Variants in KMT2D observed in about 807,000 individuals in gnomAD.
KMT2D encodes histone-lysine N-methyltransferase 2D.
Under a neutral mutation model 512.7 loss-of-function variants are expected in KMT2D, and 55 were observed. The observed-to-expected ratio is 0.11, with a 90% CI of 0.09 to 0.13. The LOEUF (loss-of-function observed/expected upper bound fraction) is 0.13. Ranked by LOEUF, KMT2D falls within the 10% of genes least tolerant of loss-of-function variation. The probability of loss-of-function intolerance (pLI) is 1.00; values close to 1 mark genes in which losing one functional copy is unlikely to be tolerated. For missense variants in KMT2D, 6,061 were observed against 7,127.9 expected, an observed-to-expected ratio of 0.85 and a Z score of 5.39; for synonymous variants, 2,995 against 2,904.0, an observed-to-expected ratio of 1.03 and a Z score of -1.01.
Position 49,044,377 on chromosome 12 carries a change from C to G in KMT2D, c.5083+26G>C. 1 of 1,613,914 alleles carries G rather than the reference C, an allele frequency of 6.2e-7. No homozygotes were observed. The highest frequency in any genetic ancestry group is 8.5e-7 in the Non-Finnish European group (1 of 1,179,826). On this transcript the variant is annotated intron_variant, in intron 21 of 54. Coordinates refer to ENST00000301067, the MANE Select transcript of KMT2D (RefSeq NM_003482.4). The surrounding 1 kb of genome is among the most constrained non-coding windows in gnomAD (Gnocchi z 6.4). ...GAGCTGCCCCGCACCACCCCACCAC[C>G]CCACAACCCCATCCCAGGACCTCAC...
At position 49,026,801 on chromosome 12, in the gene KMT2D, G is replaced by A. The variant is rs1335851914; in HGVS notation, c.15165C>T (p.Asp5055=). 1.9e-6 allele frequency: 3 copies of A among 1,612,780 alleles called. No homozygotes were observed. Among genetic ancestry groups the A allele is most frequent in the Admixed American group, 3.3e-5 (2 of 60,018 alleles). Residue 5055 remains aspartate, a synonymous_variant, in exon 49 of 55, where the codon GAC becomes GAT. Coordinates refer to ENST00000301067, the MANE Select transcript of KMT2D (RefSeq NM_003482.4). The surrounding 1 kb of genome is among the most constrained non-coding windows in gnomAD (Gnocchi z 9.6). ...GPARLLNLDL[D]LWVHLNCALW... The stretch of plus-strand genomic sequence containing the variant: ...GGGCACAGTTGAGGTGCACCCACAG[G>A]TCCAGGTCCAGGTTCAGCAGACGGG...
Position 49,034,895 on chromosome 12 carries a change from A to T in KMT2D, c.10272T>A (p.Ile3424=), listed in dbSNP as rs1159846158. Residue 3424 remains isoleucine, a synonymous_variant, in exon 36 of 55, where the codon ATT becomes ATA. Transcript: ENST00000301067. ...TCAAAGCCACCATCTTGGCCTTTGC[A>T]ATGGGATCAATGATATCTTCTGCAG... is the stretch of plus-strand genomic sequence containing the variant. ...KFAAEDIIDP[I]AKAKMVALKG... is the part of the protein sequence containing the mutation. 6.2e-7 allele frequency: 1 copy of T among 1,613,996 alleles called. No individual in the cohort carries two copies. Among genetic ancestry groups the T allele is most frequent in the Non-Finnish European group, 8.5e-7 (1 of 1,179,906 alleles).
rs757437381 is a variant in KMT2D at position 49,031,460 on chromosome 12, G to A, written c.13245C>T (p.Ile4415=). ...QVVPEASQLS[I]KQEPREEPCA... ...ATGGCTCTTCCCGAGGTTCCTGCTTGATGCTGAGTTGGGATGCCTCAGGCA... is the reference window on the plus strand; with the variant it reads ...ATGGCTCTTCCCGAGGTTCCTGCTTAATGCTGAGTTGGGATGCCTCAGGCA... Residue 4415 remains isoleucine, a synonymous_variant, in exon 40 of 55, where the codon ATC becomes ATT. Coordinates refer to ENST00000301067, the MANE Select transcript of KMT2D (RefSeq NM_003482.4). 6.2e-7 allele frequency: 1 copy of A among 1,613,776 alleles called. No homozygotes were observed. The highest frequency in any genetic ancestry group is 1.1e-5 in the South Asian group (1 of 91,058).
At position 49,041,107 on chromosome 12, in the gene KMT2D, G is replaced by C. The variant is rs778603250; in HGVS notation, c.6663C>G (p.Gly2221=). ...MLGASSRPGA[G]QPGEFHTTPP... ...GGGTAGTGTGGAATTCCCCTGGCTG[G>C]CCAGCCCCAGGACGAGATGAGGCGC... is the stretch of plus-strand genomic sequence containing the variant. Residue 2221 remains glycine (G), a synonymous_variant, in exon 32 of 55, where the codon GGC becomes GGG. Coordinates refer to ENST00000301067, the MANE Select transcript of KMT2D (RefSeq NM_003482.4). This position sits in a 1 kb window ranked among gnomAD's most constrained non-coding sequence, Gnocchi z 5.4. The C allele has an allele frequency of 3.3e-6, 5 of 1,531,186 alleles. No homozygotes were observed. In the Admixed American group the frequency reaches 8.7e-5, roughly 27 times the overall value. The allele number at this position is 1,531,186 out of a possible 1,614,324, so 94.8% of individuals were successfully genotyped here.
At position 49,039,695 on chromosome 12, in the gene KMT2D, G is replaced by A. The variant is rs918474231; in HGVS notation, c.8046+29C>T. The A allele has an allele frequency of 1.9e-6, 3 of 1,607,612 alleles. No homozygotes were observed. Among genetic ancestry groups the A allele is most frequent in the Non-Finnish European group, 2.5e-6 (3 of 1,177,864 alleles). On this transcript the variant is annotated intron_variant, in intron 32 of 54. Coordinates refer to ENST00000301067, the MANE Select transcript of KMT2D (RefSeq NM_003482.4). The surrounding 1 kb of genome is among the most constrained non-coding windows in gnomAD (Gnocchi z 5.0). The stretch of plus-strand genomic sequence containing the variant: ...CTGCCCCAGAGACAGGAGCGATATA[G>A]GGGGCTTAGCTCCAGGGTGTCAACT...
Position 49,043,447 on chromosome 12 carries a change from C to G in KMT2D, c.5468-19G>C, listed in dbSNP as rs752996922. 29 of 1,613,566 alleles carry G rather than the reference C, an allele frequency of 1.8e-5. No individual in the cohort carries two copies. The East Asian group carries it at 5.8e-4, about 32-fold the overall frequency. On this transcript the variant is annotated intron_variant, in intron 24 of 54. Coordinates refer to ENST00000301067, the MANE Select transcript of KMT2D (RefSeq NM_003482.4). ...TCATCTCCTATGAGCAAGAGTCCCC[C>G]CTCCAATCAGAGATGTCCTACATCT...
rs201219613 is a variant in KMT2D at position 49,051,469 on chromosome 12, G to C, written c.2214C>G (p.Ser738=). ...GCCGGGGTGACAGGTGCGGCCCCTC[G>C]GACCGGGGGCAGAGTTGCGGCTCCT... ...LPEEPQLCPR[S]EGPHLSPRPE... Residue 738 remains serine (S), a synonymous_variant, in exon 11 of 55, where the codon TCC becomes TCG. Coordinates refer to ENST00000301067, the MANE Select transcript of KMT2D (RefSeq NM_003482.4). 3.7e-6 allele frequency: 6 copies of C among 1,612,728 alleles called. No homozygotes were observed. The highest frequency in any genetic ancestry group is 2.2e-5 in the East Asian group (1 of 44,828).
Position 49,031,082 on chromosome 12 carries a change from C to T in KMT2D, c.13531-49G>A, listed in dbSNP as rs77980064. 15,128 of 1,611,614 alleles carry T rather than the reference C, an allele frequency of 9.4e-3. 1,005 individuals carry two copies. In the African/African-American group the frequency reaches 0.16, roughly 17 times the overall value. On this transcript the variant is annotated intron_variant, in intron 40 of 54. Transcript: ENST00000301067. The stretch of plus-strand genomic sequence containing the variant: ...GGCTGCTACCCTCCTCCTCAGAGCC[C>T]TCATCTCTTCTGTCTGACCCAGGCT...
intron 13 of KMT2D, 76 bp downstream of exon 13, chr12:49,049,029 A>C: frequency 1.1e-6 from 1 of 927,060 alleles, no homozygotes; most frequent in Non-Finnish European, 1.7e-6. Flanking sequence ...GTAGGCAAGC[A>C]TGCAAGGGAC....
At chr12:49,028,741 C>T (rs1018397979) in intron 46 of KMT2D, 87 bp downstream of exon 46, 14 of 1,545,906 alleles carry the variant, frequency 9.1e-6, no homozygotes, top group Admixed American at 7.2e-5. Context: ...TGTGCTTGAA[C>T]GACTACATTT....
In KMT2D at chr12:49,039,005, G is replaced by A. The variant is rs1943359297; in HGVS notation, c.8367-16C>T. On this transcript the variant is annotated splice_polypyrimidine_tract_variant and intron_variant, in intron 34 of 54. Coordinates refer to ENST00000301067, the MANE Select transcript of KMT2D (RefSeq NM_003482.4). This position sits in a 1 kb window ranked among gnomAD's most constrained non-coding sequence, Gnocchi z 5.0. ...TACCAGTTGCCTGGAAGAATATACA[G>A]TAGTCAGTAGGATGAAATCAGATGA... 1 of 1,551,868 alleles carries A rather than the reference G, an allele frequency of 6.4e-7. No homozygotes were observed. The highest frequency in any genetic ancestry group is 1.2e-5 in the South Asian group (1 of 84,230).
At position 49,030,372 on chromosome 12, in the gene KMT2D, T is replaced by C; in HGVS notation, c.13907A>G (p.Gln4636Arg). 2 of 1,369,830 alleles carry C rather than the reference T, an allele frequency of 1.5e-6. No individual in the cohort carries two copies. The highest frequency in any genetic ancestry group is 2.0e-6 in the Non-Finnish European group (2 of 976,990). The allele number at this position is 1,369,830 out of a possible 1,614,324, so 84.9% of individuals were successfully genotyped here. ...TGGGGTGACGCCATTCACCATCTTC[T>C]GCTGCACCGATGGGGGTGGGGTGGG... ...LPPTPPPSVQQKMVNGVTPSE... is the reference protein window; with the variant it reads ...LPPTPPPSVQRKMVNGVTPSE... Residue 4636 changes from glutamine (Q) to arginine (R), a missense_variant, in exon 43 of 55, where the codon CAG becomes CGG. Transcript: ENST00000301067.
At chr12:49,048,106 A>T (rs1937664995) in intron 14 of KMT2D, 37 bp from the exon 15 acceptor site, 4 of 1,379,782 alleles carry the variant, frequency 2.9e-6, no homozygotes, top group Non-Finnish European at 4.1e-6. Flanking sequence ...GTCCAACTAG[A>T]TCTCCCCATC....
Position 49,044,482 on chromosome 12 carries a change from G to A in KMT2D, c.5004C>T (p.Gly1668=), listed in dbSNP as rs760039365. 3 of 1,613,942 alleles carry A rather than the reference G, an allele frequency of 1.9e-6. No individual in the cohort carries two copies. The highest frequency in any genetic ancestry group is 2.5e-6 in the Non-Finnish European group (3 of 1,179,868). The change falls in exon 21 of 55, where the codon GGC becomes GGT. Residue 1668 remains glycine (G), a synonymous_variant. Coordinates refer to ENST00000301067, the MANE Select transcript of KMT2D (RefSeq NM_003482.4). The surrounding 1 kb of genome is among the most constrained non-coding windows in gnomAD (Gnocchi z 6.4). ...CAGGCTCCACATCAGGGCTGACGGG[G>A]CCCTCCAGTTTAATTTCGCACTCCA... is the stretch of plus-strand genomic sequence containing the variant. ...EHMECEIKLE[G]PVSPDVEPGK...
chr12:49,051,083 G>A lies in KMT2D; in HGVS notation c.2600C>T (p.Pro867Leu). Residue 867 changes from proline to leucine, a missense_variant, in exon 11 of 55, where the codon CCC (proline) becomes CTC (leucine). By Grantham distance (98) the Pro-to-Leu change is moderately conservative. Coordinates refer to ENST00000301067, the MANE Select transcript of KMT2D (RefSeq NM_003482.4). ...KPPLSPRPEK[P>L]PEEPGQCPAP... is the part of the protein sequence containing the mutation. ...AGGGCATTGGCCTGGCTCCTCAGGGGGCTTTTCAGGCCGAGGGGACAGGGG... is the reference window on the plus strand; with the variant it reads ...AGGGCATTGGCCTGGCTCCTCAGGGAGCTTTTCAGGCCGAGGGGACAGGGG... The A allele has an allele frequency of 6.6e-7, 1 of 1,523,262 alleles. No individual in the cohort carries two copies. 94.4% of individuals were successfully genotyped at this position (1,523,262 alleles called of 1,614,324 possible).
chr12:49,051,934 A>G lies in KMT2D; in HGVS notation c.1749T>C (p.Pro583=), dbSNP rs774536143. 1.2e-6 allele frequency: 2 copies of G among 1,602,054 alleles called. No individual in the cohort carries two copies. Among genetic ancestry groups the G allele is most frequent in the Admixed American group, 3.4e-5 (2 of 59,136 alleles). ...SPPPEESPMS[P]PPEESPMSPP... The stretch of plus-strand genomic sequence containing the variant: ...GAGACATGGGTGACTCTTCAGGTGG[A>G]GGGGACATGGGTGACTCCTCAGGTG... The change falls in exon 11 of 55, where the codon CCT becomes CCC. Residue 583 remains proline (P), a synonymous_variant. Coordinates refer to ENST00000301067, the MANE Select transcript of KMT2D (RefSeq NM_003482.4).
chr12:49,043,445 C>T lies in KMT2D; in HGVS notation c.5468-17G>A. On this transcript the variant is annotated splice_polypyrimidine_tract_variant and intron_variant, in intron 24 of 54. Transcript: ENST00000301067. ...CATCATCTCCTATGAGCAAGAGTCCCCCCTCCAATCAGAGATGTCCTACAT... is the reference window on the plus strand; with the variant it reads ...CATCATCTCCTATGAGCAAGAGTCCTCCCTCCAATCAGAGATGTCCTACAT... The T allele has an allele frequency of 5.0e-6, 8 of 1,613,614 alleles. No individual in the cohort carries two copies. The highest frequency in any genetic ancestry group is 6.8e-6 in the Non-Finnish European group (8 of 1,179,624).
Position 49,038,809 on chromosome 12 carries a change from G to C in KMT2D, c.8547C>G (p.Ala2849=), listed in dbSNP as rs368381758. The C allele has an allele frequency of 6.4e-7, 1 of 1,571,710 alleles. No homozygotes were observed. Among genetic ancestry groups the C allele is most frequent in the Admixed American group, 1.9e-5 (1 of 53,084 alleles). Residue 2849 remains alanine (A), a synonymous_variant, in exon 35 of 55, where the codon GCC becomes GCG. Transcript: ENST00000301067. This position sits in a 1 kb window ranked among gnomAD's most constrained non-coding sequence, Gnocchi z 5.7. ...AAATTCCCGCCAACGGGGAACCTAG[G>C]GCTTGGCGGCCAAGTTCAGGTCCAG... is the stretch of plus-strand genomic sequence containing the variant. The part of the protein sequence containing the change: ...STPGPELGRQ[A]LGSPLAGIST...
chr12:49,048,734 C>T lies in KMT2D; in HGVS notation c.4056G>A (p.Glu1352=), dbSNP rs373063485. ...ADIDSSPSKE[E]EEEDDDTMQN... is the part of the protein sequence containing the mutation. ...GCATGGTGTCATCATCTTCTTCCTC[C>T]TCCTCCTTACTGGGAGAGCTATCAA... Residue 1352 remains glutamate (E), a synonymous_variant, in exon 14 of 55, where the codon GAG becomes GAA. Coordinates refer to ENST00000301067, the MANE Select transcript of KMT2D (RefSeq NM_003482.4). 6.6e-5 allele frequency: 107 copies of T among 1,612,292 alleles called. No individual in the cohort carries two copies. The highest frequency in any genetic ancestry group is 3.2e-4 in the African/African-American group (24 of 74,918).
Sources: allele counts gnomAD v4.1 joint callset, GRCh38; gene constraint gnomAD v4.1.1; non-coding constraint Gnocchi (gnomAD v3.1); transcripts MANE v1.5; gene names NCBI Gene and HGNC (gene_info 2026-07-23, HGNC 2026-07-21).